HYCC1: variants seen among roughly 807,000 people sequenced by gnomAD.
HYCC1 encodes the protein hyccin PI4KA lipid kinase complex subunit 1.
At chr7:23,003,256 C>A in the HYCC1 span, among the ~76,000 whole-genome samples, 1 of 151,582 alleles carries the variant, frequency 6.6e-6, no homozygotes, top group African/African-American at 2.4e-5. Flanking sequence ...TATTCATAAA[C>A]TATTAAATGC....
chr7:23,004,326 C>A, the HYCC1 span, among the ~76,000 whole-genome samples: 1 of 152,182 alleles, frequency 6.6e-6, no homozygotes, highest in Admixed American at 6.5e-5. Context: ...AACCAAACAT[C>A]TGCTTAGACC....
chr7:22,917,474 G>A, the HYCC1 span, among the ~76,000 whole-genome samples: 4 of 152,184 alleles, frequency 2.6e-5, no homozygotes, highest in Non-Finnish European at 5.9e-5. Context: ...CAAGCTCGGG[G>A]ATTTGCCCCT....
the HYCC1 span, among the ~76,000 whole-genome samples, chr7:22,958,757 T>C: frequency 6.6e-6 from 1 of 152,122 alleles, no homozygotes; most frequent in Non-Finnish European, 1.5e-5. Context: ...TACACACATA[T>C]GCACAAATAC....
the HYCC1 span, among the ~76,000 whole-genome samples, chr7:22,981,206 T>C: frequency 3.3e-5 from 5 of 152,234 alleles, no homozygotes; most frequent in African/African-American, 1.2e-4. Context: ...AGATCAAGAA[T>C]TTAGTCTATT....
At chr7:22,945,900 C>G in the HYCC1 span, 1 of 1,613,834 alleles carries the variant, frequency 6.2e-7, no homozygotes, top group Non-Finnish European at 8.5e-7. Context: ...GAGAGAAGCT[C>G]AAGATTCTCA....
chr7:22,958,188 C>T, the HYCC1 span, among the ~76,000 whole-genome samples: 1 of 151,982 alleles, frequency 6.6e-6, no homozygotes, highest in Admixed American at 6.6e-5. Flanking sequence ...AAAATAGAAA[C>T]CTTTCAAATT....
At chr7:23,010,445 T>C in the HYCC1 span, among the ~76,000 whole-genome samples, 3 of 152,136 alleles carry the variant, frequency 2.0e-5, no homozygotes, top group Non-Finnish European at 4.4e-5. Flanking sequence ...CTGGAATTAC[T>C]TAAGAAACTA....
At chr7:22,901,693 A>G in the HYCC1 span, among the ~76,000 whole-genome samples, 1 of 152,314 alleles carries the variant, frequency 6.6e-6, no homozygotes, top group Middle Eastern at 3.4e-3. Context: ...AAAAGAGAAT[A>G]TATCAGAAAT....
chr7:22,916,157 T>C, the HYCC1 span, among the ~76,000 whole-genome samples: 1 of 152,190 alleles, frequency 6.6e-6, no homozygotes, highest in Non-Finnish European at 1.5e-5. Flanking sequence ...TGTTACAGCA[T>C]GGCCTTTTAA....
chr7:22,945,182 T>C, the HYCC1 span: 1 of 258,262 alleles, frequency 3.9e-6, no homozygotes, highest in Non-Finnish European at 7.5e-6. Flanking sequence ...TCCCTTTGAC[T>C]CTGAAGGCCA....
chr7:22,930,193 G>A, the HYCC1 span, among the ~76,000 whole-genome samples: 1 of 128,522 alleles, frequency 7.8e-6, no homozygotes, highest in Non-Finnish European at 1.6e-5. Context: ...GGACTGTTGT[G>A]GGGTGGGGGG....
the HYCC1 span, among the ~76,000 whole-genome samples, chr7:22,984,326 C>A: frequency 1.3e-5 from 2 of 152,024 alleles, no homozygotes. Flanking sequence ...TATATCTCAA[C>A]AAAAATTCAA....
chr7:22,996,012 T>C, the HYCC1 span, among the ~76,000 whole-genome samples: 3 of 152,094 alleles, frequency 2.0e-5, no homozygotes, highest in Admixed American at 2.0e-4. Flanking sequence ...AGAGAAAGTA[T>C]GGCTGGGTGC....
chr7:22,981,293 A>G, the HYCC1 span, among the ~76,000 whole-genome samples: 1 of 152,220 alleles, frequency 6.6e-6, no homozygotes, highest in African/African-American at 2.4e-5. Flanking sequence ...ATAAAACTGA[A>G]TAATGAAAAA....
At chr7:22,981,803 T>C in the HYCC1 span, among the ~76,000 whole-genome samples, 1 of 152,228 alleles carries the variant, frequency 6.6e-6, no homozygotes, top group African/African-American at 2.4e-5. Flanking sequence ...ATTTGTGTGG[T>C]GCCTCACACA....
the HYCC1 span, chr7:22,945,547 T>C: frequency 4.2e-6 from 6 of 1,439,382 alleles, no homozygotes; most frequent in South Asian, 5.7e-5. Flanking sequence ...CAAAGTTGTA[T>C]TTCCAGGTTC....
the HYCC1 span, chr7:22,960,127 A>T: frequency 4.2e-6 from 4 of 959,498 alleles, no homozygotes; most frequent in Admixed American, 5.3e-5. Flanking sequence ...ATTAGGAGTT[A>T]AGGGCAACTC....
the HYCC1 span, among the ~76,000 whole-genome samples, chr7:23,004,099 A>T: frequency 6.6e-6 from 1 of 152,210 alleles, no homozygotes; most frequent in Non-Finnish European, 1.5e-5. Context: ...TTTAAGATAA[A>T]GTTTTCAATA....
chr7:22,977,117 C>G, the HYCC1 span, among the ~76,000 whole-genome samples: 3 of 123,398 alleles, frequency 2.4e-5, no homozygotes, highest in African/African-American at 9.2e-5. Context: ...AAAAATATTT[C>G]AAAAAGAATA....
Sources: gnomAD v4.1 joint callset for allele counts (sites outside exome capture counted in the v4.1 genomes callset) on GRCh38, gnomAD v4.1.1 for gene constraint, MANE v1.5 for transcripts, NCBI Gene and HGNC (gene_info 2026-07-23, HGNC 2026-07-21) for gene names.